Variants in ITSN2 observed in about 807,000 individuals in gnomAD.
ITSN2 encodes intersectin 2.
A neutral mutation model predicts 243.7 loss-of-function variants in ITSN2; 156 were observed. That is an observed-to-expected ratio of 0.64 (90% CI 0.56 to 0.73). ITSN2 has a LOEUF of 0.73. Among genes scored for constraint, ITSN2 ranks in the 30% least tolerant of loss-of-function variants. The pLI is 0.00. For synonymous variants in ITSN2, 703 were observed against 699.9 expected (o/e 1.00, Z -0.07); for missense variants, 1,801 against 1,996.1 (o/e 0.90, Z 1.86).
chr2:24,267,134 A>C (rs1340822301), intron 20 of ITSN2, among the ~76,000 whole-genome samples: 1 of 152,020 alleles, frequency 6.6e-6, no homozygotes, highest in African/African-American at 2.4e-5. Context: ...ACTAACACAG[A>C]AACAGAAAAC....
chr2:24,328,972 CA>C lies in ITSN2; in HGVS notation c.-33-858del, dbSNP rs148073425. 3.7e-3 allele frequency among the ~76,000 whole-genome samples: 559 copies of C among 152,288 alleles called. 6 individuals carry two copies. The highest frequency in any genetic ancestry group is 0.013 in the African/African-American group (525 of 41,554). On this transcript the variant is annotated intron_variant, in intron 1 of 39. Transcript: ENST00000355123. ...CTTTGGAAATTCACAGCTCTGGGTT[CA>C]AACCCAGCTCTGCTATTCTCCCAGC... is the stretch of plus-strand genomic sequence containing the variant.
At chr2:24,339,968 C>A (rs943821657) in intron 1 of ITSN2, among the ~76,000 whole-genome samples, 4 of 151,734 alleles carry the variant, frequency 2.6e-5, no homozygotes, top group Admixed American at 6.6e-5. Flanking sequence ...CCCGGGAGTT[C>A]AAGGTTACAA....
At chr2:24,324,677 CT>C (rs1684955587) in intron 2 of ITSN2, among the ~76,000 whole-genome samples, 1 of 151,456 alleles carries the variant, frequency 6.6e-6, no homozygotes, top group Non-Finnish European at 1.5e-5. Context: ...AGTGAGACCC[CT>C]ATCTCTAAAA....
intron 29 of ITSN2, chr2:24,241,395 CACATGATGCAGT>C (rs1366638109): frequency 6.6e-6 from 1 of 152,264 alleles, no homozygotes; most frequent in Non-Finnish European, 1.5e-5. Flanking sequence ...CACGCTGCAG[CACATGATGCAGT>C]ACCTTCATTA....
At chr2:24,209,731 C>A in intron 35 of ITSN2, 87 bp downstream of exon 35, 1 of 1,063,368 alleles carries the variant, frequency 9.4e-7, no homozygotes, top group Non-Finnish European at 1.4e-6. Context: ...TCCCGTAAGG[C>A]CAGCTCAGGG....
chr2:24,339,877 C>T (rs559960889), intron 1 of ITSN2, among the ~76,000 whole-genome samples: 4 of 152,042 alleles, frequency 2.6e-5, no homozygotes, highest in African/African-American at 9.6e-5. Flanking sequence ...AAATTAAAAA[C>T]TTAGTTGGGC....
At chr2:24,209,065 G>C in intron 36 of ITSN2, 35 bp downstream of exon 36, 4 of 1,609,268 alleles carry the variant, frequency 2.5e-6, no homozygotes, top group Non-Finnish European at 3.4e-6. Flanking sequence ...CCTTCTCCCA[G>C]AGTTCAAGGC....
intron 1 of ITSN2, among the ~76,000 whole-genome samples, chr2:24,358,062 C>T (rs575661860): frequency 1.3e-5 from 2 of 152,228 alleles, no homozygotes; most frequent in Admixed American, 6.5e-5. Flanking sequence ...TACAGGCGCA[C>T]GCCACCATGC....
chr2:24,272,772 T>C (rs897377254), intron 18 of ITSN2, among the ~76,000 whole-genome samples: 1 of 152,186 alleles, frequency 6.6e-6, no homozygotes, highest in African/African-American at 2.4e-5. Flanking sequence ...TCTTTTTTGT[T>C]TGCTTAGATA....
chr2:24,321,607 C>T lies in ITSN2; in HGVS notation c.32-6383G>A, dbSNP rs551095175. On this transcript the variant is annotated intron_variant, in intron 2 of 39. Transcript: ENST00000355123. Reference sequence around the variant, plus strand: ...TACACACTTTCTAAATAAAGAAATACCACATATGTAGTAAAAATCCTACTT... The same window carrying T: ...TACACACTTTCTAAATAAAGAAATATCACATATGTAGTAAAAATCCTACTT... Among the ~76,000 whole-genome samples, 9 of 152,168 alleles carry T rather than the reference C, an allele frequency of 5.9e-5. No homozygotes were observed. The East Asian group carries it at 1.7e-3, about 29-fold the overall frequency.
Position 24,248,161 on chromosome 2 carries a change from G to GA in ITSN2, c.3288+467dup, listed in dbSNP as rs149237671. Among the ~76,000 whole-genome samples, 31 of 146,432 alleles carry GA rather than the reference G, an allele frequency of 2.1e-4. 1 individual carries two copies. The highest frequency in any genetic ancestry group is 3.5e-4 in the Non-Finnish European group (23 of 66,134). On this transcript the variant is annotated intron_variant, in intron 27 of 39. Transcript: ENST00000355123. Reference sequence around the variant, plus strand: ...AATAACCATCTATTAACGTTTTAGGGAAAAAAAAAAGGTTCATCTATGTCT... The same window carrying GA: ...AATAACCATCTATTAACGTTTTAGGGAAAAAAAAAAAGGTTCATCTATGTCT...
chr2:24,289,123 G>A (rs778135421), intron 15 of ITSN2, among the ~76,000 whole-genome samples: 2 of 152,130 alleles, frequency 1.3e-5, no homozygotes, highest in East Asian at 1.9e-4. Context: ...TTCCATATAC[G>A]TTTTAAAATT....
At chr2:24,331,158 G>A (rs1353881499) in intron 1 of ITSN2, among the ~76,000 whole-genome samples, 6 of 145,454 alleles carry the variant, frequency 4.1e-5, no homozygotes, top group Non-Finnish European at 6.0e-5. Context: ...TGCAACCTCC[G>A]CCTCCCAGGT....
chr2:24,340,179 A>C (rs1267353484), intron 1 of ITSN2, among the ~76,000 whole-genome samples: 1 of 152,138 alleles, frequency 6.6e-6, no homozygotes, highest in Admixed American at 6.6e-5. Context: ...TTTAAAACAC[A>C]GTATAAAGTT....
chr2:24,299,224 G>T (rs1574212792), intron 12 of ITSN2, among the ~76,000 whole-genome samples: 1 of 151,548 alleles, frequency 6.6e-6, no homozygotes, highest in African/African-American at 2.4e-5. Flanking sequence ...GTAGAGAGAG[G>T]GTTTCACCAT....
intron 29 of ITSN2, among the ~76,000 whole-genome samples, chr2:24,245,573 G>A (rs75939516): frequency 1.3e-5 from 2 of 151,650 alleles, no homozygotes; most frequent in Admixed American, 6.6e-5. Flanking sequence ...TTAACCTCCC[G>A]GGTTCAAGAG....
intron 1 of ITSN2, among the ~76,000 whole-genome samples, chr2:24,342,054 G>A (rs531422481): frequency 2.0e-4 from 30 of 152,274 alleles, no homozygotes; most frequent in South Asian, 4.2e-4. Flanking sequence ...TCTAGAACAC[G>A]AAGTTAGAAC....
At chr2:24,212,546 C>T in intron 33 of ITSN2, 104 bp downstream of exon 33, 4 of 798,594 alleles carry the variant, frequency 5.0e-6, no homozygotes, top group Non-Finnish European at 4.1e-6. Flanking sequence ...ACACTGTGTG[C>T]AGGGTGAGGT....
At chr2:24,280,861 T>A (rs1678677005) in intron 17 of ITSN2, among the ~76,000 whole-genome samples, 1 of 152,212 alleles carries the variant, frequency 6.6e-6, no homozygotes, top group African/African-American at 2.4e-5. Flanking sequence ...GCTGATCTCT[T>A]CATCAATGAC....
Sources: gnomAD v4.1 joint callset for allele counts (sites outside exome capture counted in the v4.1 genomes callset) on GRCh38, gnomAD v4.1.1 for gene constraint, MANE v1.5 for transcripts, NCBI Gene and HGNC (gene_info 2026-07-23, HGNC 2026-07-21) for gene names.